Variants in PACRG observed in about 807,000 individuals in gnomAD.
The protein encoded by PACRG is parkin coregulated gene protein.
PACRG carries 29 observed loss-of-function variants against 29.7 expected under a neutral mutation model. The ratio of observed to expected loss-of-function variants is 0.98; its 90% confidence interval spans 0.73 to 1.33. PACRG has a LOEUF of 1.33. Ranked by LOEUF, PACRG falls within the 40% of genes most tolerant of loss-of-function variation. The pLI, the probability that PACRG is intolerant of heterozygous loss-of-function variation, is 0.00. For missense variants in PACRG, 279 were observed against 316.2 expected (o/e 0.88, Z 0.89); for synonymous variants, 116 against 118.7 (o/e 0.98, Z 0.15).
Position 162,824,696 on chromosome 6 carries a change from T to A in PACRG, c.291+10415T>A, listed in dbSNP as rs372891524. The stretch of plus-strand genomic sequence containing the variant: ...CATTAACAGGCTACAGTGACTTGTC[T>A]ATTCATAAAGGAATTGAGTACTTAT... On this transcript the variant is annotated intron_variant, in intron 2 of 4. Coordinates refer to ENST00000366888, the MANE Select transcript of PACRG (RefSeq NM_001080379.2). Among the ~76,000 whole-genome samples, 9 of 152,200 alleles carry A rather than the reference T, an allele frequency of 5.9e-5. No individual in the cohort carries two copies. In the East Asian group the frequency reaches 1.5e-3, roughly 26 times the overall value.
chr6:162,841,317 G>A (rs1485396356), intron 2 of PACRG, among the ~76,000 whole-genome samples: 5 of 149,272 alleles, frequency 3.3e-5, no homozygotes, highest in South Asian at 2.2e-4. Context: ...TCCTGGTTTA[G>A]TCTTGGGAGA....
intron 4 of PACRG, among the ~76,000 whole-genome samples, chr6:163,188,190 C>A (rs188315998): frequency 6.6e-6 from 1 of 152,272 alleles, no homozygotes; most frequent in East Asian, 1.9e-4. Context: ...GAGGCAGGAG[C>A]CCCAAGTCAA....
intron 2 of PACRG, among the ~76,000 whole-genome samples, chr6:163,029,025 A>G (rs1807409075): frequency 6.6e-6 from 1 of 152,216 alleles, no homozygotes; most frequent in African/African-American, 2.4e-5. Context: ...GGTGGGCTCA[A>G]CAGGAGCACA....
intron 3 of PACRG, among the ~76,000 whole-genome samples, chr6:163,083,689 A>C (rs576452418): frequency 6.6e-6 from 1 of 152,196 alleles, no homozygotes; most frequent in East Asian, 1.9e-4. Flanking sequence ...CCATTTTTTT[A>C]ATTGGAAGAT....
chr6:162,982,402 A>C (rs1272668324), intron 2 of PACRG, among the ~76,000 whole-genome samples: 1 of 149,274 alleles, frequency 6.7e-6, no homozygotes, highest in Non-Finnish European at 1.5e-5. Flanking sequence ...TAAATTGTCT[A>C]TTTGTGCTCT....
At chr6:163,249,173 T>C (rs1182611819) in intron 4 of PACRG, among the ~76,000 whole-genome samples, 4 of 152,224 alleles carry the variant, frequency 2.6e-5, no homozygotes, top group African/African-American at 9.6e-5. Flanking sequence ...GCCTGTACGC[T>C]GAAACAAGGA....
chr6:163,028,107 G>A (rs1437589242), intron 2 of PACRG, among the ~76,000 whole-genome samples: 4 of 152,106 alleles, frequency 2.6e-5, no homozygotes, highest in African/African-American at 9.7e-5. Context: ...CGGCAGAGGT[G>A]GTTCATTTGG....
At chr6:163,203,370 G>A (rs1317549543) in intron 4 of PACRG, among the ~76,000 whole-genome samples, 2 of 152,104 alleles carry the variant, frequency 1.3e-5, no homozygotes, top group Non-Finnish European at 1.5e-5. Flanking sequence ...CCGAGATTGC[G>A]CCATTGCACT....
At chr6:163,252,548 C>T (rs1389057088) in intron 4 of PACRG, among the ~76,000 whole-genome samples, 1 of 152,208 alleles carries the variant, frequency 6.6e-6, no homozygotes, top group Non-Finnish European at 1.5e-5. Flanking sequence ...GCCAGAGGGG[C>T]AGTGCTGCAG....
intron 2 of PACRG, among the ~76,000 whole-genome samples, chr6:162,891,718 G>C (rs753340968): frequency 2.0e-5 from 3 of 152,020 alleles, no homozygotes; most frequent in Non-Finnish European, 4.4e-5. Context: ...CACCTCTTTG[G>C]GGGGCTGTAG....
chr6:162,882,072 C>T (rs1349998233), intron 2 of PACRG, among the ~76,000 whole-genome samples: 1 of 146,504 alleles, frequency 6.8e-6, no homozygotes, highest in East Asian at 2.1e-4. Context: ...CGCTCTCCAC[C>T]AAGACCAGAG....
intron 2 of PACRG, among the ~76,000 whole-genome samples, chr6:162,899,473 G>A (rs9346939): frequency 6.6e-6 from 1 of 151,882 alleles, no homozygotes; most frequent in East Asian, 1.9e-4. Context: ...AGCCCGTGCC[G>A]GACCTTCTGA....
intron 2 of PACRG, among the ~76,000 whole-genome samples, chr6:162,981,650 T>C (rs1802444664): frequency 1.3e-5 from 2 of 152,186 alleles, no homozygotes; most frequent in Admixed American, 6.6e-5. Context: ...TTCACAATAT[T>C]GATTCTATCC....
intron 4 of PACRG, among the ~76,000 whole-genome samples, chr6:163,103,385 C>T (rs1000989506): frequency 6.6e-6 from 1 of 152,152 alleles, no homozygotes; most frequent in Non-Finnish European, 1.5e-5. Flanking sequence ...TGGAGGGTTT[C>T]CTATCACTCG....
intron 3 of PACRG, among the ~76,000 whole-genome samples, chr6:163,071,329 A>G (rs926358435): frequency 1.3e-5 from 2 of 152,180 alleles, no homozygotes; most frequent in African/African-American, 4.8e-5. Flanking sequence ...AAAAAATTCA[A>G]ATAATATCAA....
At position 162,819,708 on chromosome 6, in the gene PACRG, T is replaced by C. The variant is rs1444253248; in HGVS notation, c.291+5427T>C. 2.0e-5 allele frequency among the ~76,000 whole-genome samples: 3 copies of C among 152,236 alleles called. No homozygotes were observed. The East Asian group carries it at 5.8e-4, about 29-fold the overall frequency. ...TGCAAGTAAAGCATACAGGAGCTGATTGTTTTTAAGTTTTATTTCTCTTGC... is the reference window on the plus strand; with the variant it reads ...TGCAAGTAAAGCATACAGGAGCTGACTGTTTTTAAGTTTTATTTCTCTTGC... On this transcript the variant is annotated intron_variant, in intron 2 of 4. Transcript: ENST00000366888.
At chr6:163,068,097 A>G (rs1170337247) in intron 3 of PACRG, among the ~76,000 whole-genome samples, 1 of 152,166 alleles carries the variant, frequency 6.6e-6, no homozygotes, top group Non-Finnish European at 1.5e-5. Flanking sequence ...TCTGGACCAC[A>G]TATTGTCTTG....
rs1481374094 is a variant in PACRG at position 162,853,559 on chromosome 6, T to C, written c.291+39278T>C. On this transcript the variant is annotated intron_variant, in intron 2 of 4. Transcript: ENST00000366888. The surrounding 1 kb of genome is among the most constrained non-coding windows in gnomAD (Gnocchi z 4.7). ...ATGCATACAAAGCTATACTACCAGATAACACAGGAACAGAAAACCAAATAC... is the reference window on the plus strand; with the variant it reads ...ATGCATACAAAGCTATACTACCAGACAACACAGGAACAGAAAACCAAATAC... Among the ~76,000 whole-genome samples the C allele has an allele frequency of 6.6e-6, 1 of 152,212 alleles. No individual in the cohort carries two copies. Among genetic ancestry groups the C allele is most frequent in the Non-Finnish European group, 1.5e-5 (1 of 68,032 alleles).
chr6:162,963,753 C>T (rs1225629566), intron 2 of PACRG, among the ~76,000 whole-genome samples: 1 of 150,688 alleles, frequency 6.6e-6, no homozygotes, highest in Non-Finnish European at 1.5e-5. Context: ...TACTGACCTC[C>T]CAATTCACCA....
Sources: gnomAD v4.1 joint callset for allele counts (sites outside exome capture counted in the v4.1 genomes callset) on GRCh38, gnomAD v4.1.1 for gene constraint, Gnocchi (gnomAD v3.1) non-coding constraint, MANE v1.5 for transcripts, NCBI Gene and HGNC (gene_info 2026-07-23, HGNC 2026-07-21) for gene names.